The following ADCY1 variants were observed in gnomAD, a reference collection of about 807,000 sequenced individuals.
ADCY1 encodes adenylate cyclase 1.
Under a neutral mutation model 105.4 loss-of-function variants are expected in ADCY1, and 28 were observed. The observed-to-expected ratio is 0.27, with a 90% CI of 0.20 to 0.36. The LOEUF (loss-of-function observed/expected upper bound fraction) is 0.36, where lower values mean the gene tolerates loss of function less well. Ranked by LOEUF, ADCY1 falls within the 10% of genes least tolerant of loss-of-function variation. The probability of loss-of-function intolerance (pLI) is 1.00; values close to 1 mark genes in which losing one functional copy is unlikely to be tolerated. For synonymous variants in ADCY1, 655 were observed against 623.8 expected, an observed-to-expected ratio of 1.05 and a Z score of -0.75; for missense variants, 977 against 1,434.2, an observed-to-expected ratio of 0.68 and a Z score of 5.15.
intron 2 of ADCY1, among the ~76,000 whole-genome samples, chr7:45,595,076 C>T (rs1793034955): frequency 1.3e-5 from 2 of 152,216 alleles, no homozygotes; most frequent in African/African-American, 2.4e-5. Flanking sequence ...TTTTTCTTCA[C>T]GCACATGAAG....
In ADCY1 at chr7:45,575,886, G is replaced by C. The variant is rs1792329808; in HGVS notation, c.639+704G>C. ...CGGGCGAGATGGTTGCAAGGACGGG[G>C]ACGCTGTCTGCCTCCCGCGGACTCT... is the stretch of plus-strand genomic sequence containing the variant. On this transcript the variant is annotated intron_variant, in intron 1 of 19. Coordinates refer to ENST00000297323, the MANE Select transcript of ADCY1 (RefSeq NM_021116.4). This position sits in a 1 kb window ranked among gnomAD's most constrained non-coding sequence, Gnocchi z 4.7. Among the ~76,000 whole-genome samples the C allele has an allele frequency of 6.6e-6, 1 of 152,272 alleles. No individual in the cohort carries two copies. The highest frequency in any genetic ancestry group is 2.1e-4 in the South Asian group (1 of 4,834).
intron 4 of ADCY1, among the ~76,000 whole-genome samples, chr7:45,643,627 T>C (rs1296058468): frequency 6.6e-6 from 1 of 152,162 alleles, no homozygotes; most frequent in Non-Finnish European, 1.5e-5. Flanking sequence ...ATCTTTTAGG[T>C]ATAACTGTTT....
chr7:45,589,678 C>G (rs564447898), intron 1 of ADCY1, among the ~76,000 whole-genome samples: 2 of 152,014 alleles, frequency 1.3e-5, no homozygotes. Context: ...GTGGGTGTCT[C>G]GGCGGGTGAG....
chr7:45,611,177 T>TCAC (rs1793579960), intron 3 of ADCY1, among the ~76,000 whole-genome samples: 1 of 137,550 alleles, frequency 7.3e-6, no homozygotes, highest in Non-Finnish European at 1.6e-5. Flanking sequence ...GGTGAGGTGA[T>TCAC]GGTGCAGGTG....
intron 4 of ADCY1, among the ~76,000 whole-genome samples, chr7:45,630,671 C>A (rs111925866): frequency 1.6e-3 from 248 of 152,236 alleles, no homozygotes; most frequent in Non-Finnish European, 2.9e-3. Flanking sequence ...CTCTCTCTTT[C>A]CCTTTTTCTG....
chr7:45,614,186 T>A (rs1793670135), intron 3 of ADCY1, among the ~76,000 whole-genome samples: 1 of 152,102 alleles, frequency 6.6e-6, no homozygotes, highest in East Asian at 1.9e-4. Context: ...AACAAAAGTA[T>A]TAAAAATAAA....
rs754027303 is a variant in ADCY1 at position 45,648,723 on chromosome 7, G to A, written c.1074G>A (p.Ser358=). 2 of 1,614,132 alleles carry A rather than the reference G, an allele frequency of 1.2e-6. No homozygotes were observed. Among genetic ancestry groups the A allele is most frequent in the Middle Eastern group, 1.6e-4 (1 of 6,062 alleles). The change falls in exon 5 of 20, where the codon TCG becomes TCA. Residue 358 remains serine, a synonymous_variant. Coordinates refer to ENST00000297323, the MANE Select transcript of ADCY1 (RefSeq NM_021116.4). ...TCGGGGACTGCTACTACTGCGTGTC[G>A]GGCCTCACCCAGCCCAAGACTGACC... The part of the protein sequence containing the change: ...KILGDCYYCV[S]GLTQPKTDHA...
rs1182277745 is a variant in ADCY1, at chr7:45,719,762, G to T, written c.*5767G>T. 1 of 152,180 alleles carries T rather than the reference G, an allele frequency of 6.6e-6. No individual in the cohort carries two copies. The highest frequency in any genetic ancestry group is 1.5e-5 in the Non-Finnish European group (1 of 68,036). 9.4% of individuals were successfully genotyped at this position (152,180 alleles called of 1,614,324 possible). ...AGGAACAAAATTAAATTTGAATACA[G>T]TCAGATAACTGCCACGCAGGGCATT... On this transcript the variant is annotated 3_prime_UTR_variant, in exon 20 of 20. Transcript: ENST00000297323.
chr7:45,610,873 G>GA (rs1584268561), intron 3 of ADCY1, among the ~76,000 whole-genome samples: 31 of 140,590 alleles, frequency 2.2e-4, no homozygotes, highest in East Asian at 4.4e-4. Context: ...GATGATGGTG[G>GA]AGGTGGGAAG....
At chr7:45,672,185 T>G (rs561797159) in intron 8 of ADCY1, among the ~76,000 whole-genome samples, 2 of 152,330 alleles carry the variant, frequency 1.3e-5, no homozygotes, top group Admixed American at 1.3e-4. Flanking sequence ...CCAGCACCAT[T>G]TGTTGATAAG....
intron 4 of ADCY1, among the ~76,000 whole-genome samples, chr7:45,643,113 C>CT (rs528070607): frequency 0.013 from 1,470 of 109,120 alleles, 26 homozygotes; most frequent in African/African-American, 0.036. Context: ...TGTTTTCTGT[C>CT]TTTTTTTTTT....
At chr7:45,665,413 C>T (rs377736357) in intron 8 of ADCY1, among the ~76,000 whole-genome samples, 14 of 152,210 alleles carry the variant, frequency 9.2e-5, no homozygotes, top group East Asian at 5.8e-4. Flanking sequence ...CCTGAGTCAC[C>T]GTGGAACACG....
rs181139674 is a variant in ADCY1, at chr7:45,647,163, C to T, written c.1021-1507C>T. On this transcript the variant is annotated intron_variant, in intron 4 of 19. Transcript: ENST00000297323. This position sits in a 1 kb window ranked among gnomAD's most constrained non-coding sequence, Gnocchi z 4.6. ...CAGGCCTGAGGGCAGCTCAGGACAA[C>T]AGCAGGGTCATCAGCTGTCTGCTCA... 2.0e-3 allele frequency among the ~76,000 whole-genome samples: 309 copies of T among 152,356 alleles called. No individual in the cohort carries two copies. The highest frequency in any genetic ancestry group is 3.5e-3 in the Admixed American group (54 of 15,312).
At chr7:45,624,163 C>T (rs1312048847) in intron 4 of ADCY1, among the ~76,000 whole-genome samples, 6 of 152,146 alleles carry the variant, frequency 3.9e-5, no homozygotes, top group Non-Finnish European at 7.3e-5. Context: ...TGTGCAGAGT[C>T]CTGAGGGGCA....
intron 2 of ADCY1, among the ~76,000 whole-genome samples, chr7:45,602,002 G>A (rs1202982573): frequency 1.3e-5 from 2 of 152,108 alleles, no homozygotes; most frequent in Non-Finnish European, 2.9e-5. Context: ...AGGTGGCCTT[G>A]ACTGAACCGA....
rs972857022 is a variant in ADCY1, at chr7:45,575,428, A to T, written c.639+246A>T. ...CTGGCGTGAAGTGTGGAGAGGGGAG[A>T]CAGGTGTGGAGAGAGAAAGGTTTGG... On this transcript the variant is annotated intron_variant, in intron 1 of 19. Transcript: ENST00000297323. This position sits in a 1 kb window ranked among gnomAD's most constrained non-coding sequence, Gnocchi z 4.7. Among the ~76,000 whole-genome samples the T allele has an allele frequency of 1.1e-4, 16 of 152,218 alleles. No individual in the cohort carries two copies. The highest frequency in any genetic ancestry group is 4.6e-4 in the Admixed American group (7 of 15,292).
Position 45,703,367 on chromosome 7 carries a change from A to G in ADCY1, c.2455-9A>G. ...TGGATGGGACTAATGGAGGCTCATG[A>G]TACCCCAGGCAGAGGAGGAGCGAGA... On this transcript the variant is annotated splice_polypyrimidine_tract_variant and intron_variant, in intron 14 of 19. Transcript: ENST00000297323. The surrounding 1 kb of genome is among the most constrained non-coding windows in gnomAD (Gnocchi z 5.9). The G allele has an allele frequency of 6.2e-7, 1 of 1,613,686 alleles. No homozygotes were observed. Among genetic ancestry groups the G allele is most frequent in the Non-Finnish European group, 8.5e-7 (1 of 1,179,734 alleles).
chr7:45,610,317 G>T (rs552107181), intron 2 of ADCY1, 62 bp from the exon 3 acceptor site: 2 of 1,463,782 alleles, frequency 1.4e-6, no homozygotes, highest in African/African-American at 1.4e-5. Flanking sequence ...GGGAGGGTGA[G>T]GTGAGGAGGA....
chr7:45,702,364 C>T (rs1302530439), intron 14 of ADCY1, among the ~76,000 whole-genome samples: 8 of 152,200 alleles, frequency 5.3e-5, no homozygotes, highest in South Asian at 2.1e-4. Flanking sequence ...ATCTGCTGGC[C>T]GGGTCACCAG....
Sources: gnomAD v4.1 joint callset for allele counts (sites outside exome capture counted in the v4.1 genomes callset) on GRCh38, gnomAD v4.1.1 for gene constraint, Gnocchi (gnomAD v3.1) non-coding constraint, MANE v1.5 for transcripts, NCBI Gene and HGNC (gene_info 2026-07-23, HGNC 2026-07-21) for gene names.